Variants in ALK observed in about 807,000 individuals in gnomAD.
ALK encodes the protein ALK receptor tyrosine kinase, also known as ALK tyrosine kinase receptor.
Under a neutral mutation model 163.1 loss-of-function variants are expected in ALK, and 74 were observed. The ratio of observed to expected loss-of-function variants is 0.45; its 90% CI spans 0.38 to 0.55. The LOEUF is 0.55. Ranked by LOEUF, ALK falls within the 20% of genes least tolerant of loss-of-function variation. The pLI, the probability that ALK is intolerant of heterozygous loss-of-function variation, is 0.00. For missense variants in ALK, 2,063 were observed against 2,105.3 expected (o/e 0.98, Z 0.39); for synonymous variants, 960 against 843.2 (o/e 1.14, Z -2.40).
At position 29,313,338 on chromosome 2, in the gene ALK, G is replaced by A. The variant is rs552448153; in HGVS notation, c.1647+4966C>T. ...TGGATCACATGGGGCCGAGAATGAG[G>A]CCCACCCAATGAACAAACTCCATTT... On this transcript the variant is annotated intron_variant, in intron 8 of 28. Coordinates refer to ENST00000389048, the MANE Select transcript of ALK (RefSeq NM_004304.5). 2.6e-5 allele frequency among the ~76,000 whole-genome samples: 4 copies of A among 152,270 alleles called. No homozygotes were observed. The South Asian group carries it at 6.2e-4, about 24-fold the overall frequency.
At chr2:29,644,348 T>C (rs1390535655) in intron 3 of ALK, among the ~76,000 whole-genome samples, 3 of 151,820 alleles carry the variant, frequency 2.0e-5, no homozygotes, top group Non-Finnish European at 4.4e-5. Context: ...TGTTTACATA[T>C]GTAACAAACC....
chr2:29,722,413 G>C (rs935297074), intron 1 of ALK, among the ~76,000 whole-genome samples: 1 of 152,114 alleles, frequency 6.6e-6, no homozygotes, highest in South Asian at 2.1e-4. Flanking sequence ...TCAAAGAACC[G>C]ATTTTCAACT....
At chr2:29,207,801 G>T (rs1669351955) in intron 25 of ALK, among the ~76,000 whole-genome samples, 1 of 152,166 alleles carries the variant, frequency 6.6e-6, no homozygotes, top group African/African-American at 2.4e-5. Context: ...AAGAACACAG[G>T]GCTAGGTGTG....
intron 3 of ALK, among the ~76,000 whole-genome samples, chr2:29,629,501 G>A (rs1346564037): frequency 6.6e-6 from 1 of 152,072 alleles, no homozygotes; most frequent in Non-Finnish European, 1.5e-5. Flanking sequence ...TTTTCCTCTA[G>A]GATTTTTGAA....
At chr2:29,520,110 C>A (rs543888240) in intron 4 of ALK, among the ~76,000 whole-genome samples, 1 of 152,156 alleles carries the variant, frequency 6.6e-6, no homozygotes, top group Admixed American at 6.5e-5. Flanking sequence ...AAAAGGCACA[C>A]ACGGACAGGG....
chr2:29,577,271 C>G (rs929053317), intron 3 of ALK, among the ~76,000 whole-genome samples: 3 of 152,126 alleles, frequency 2.0e-5, no homozygotes, highest in Non-Finnish European at 4.4e-5. Context: ...AGTCATTTTA[C>G]CCTTCTGAGC....
intron 15 of ALK, among the ~76,000 whole-genome samples, chr2:29,231,989 C>T (rs1664222048): frequency 6.6e-6 from 1 of 152,120 alleles, no homozygotes; most frequent in Non-Finnish European, 1.5e-5. Flanking sequence ...GGGGGCCCAT[C>T]TGCCCCTGGA....
intron 1 of ALK, among the ~76,000 whole-genome samples, chr2:29,829,305 AG>A (rs1665296225): frequency 1.7e-5 from 2 of 116,146 alleles, no homozygotes; most frequent in African/African-American, 6.1e-5. Context: ...TAAAACTTAA[AG>A]TATAATAAAA....
intron 3 of ALK, among the ~76,000 whole-genome samples, chr2:29,659,136 C>T (rs1677275635): frequency 6.6e-6 from 1 of 152,076 alleles, no homozygotes; most frequent in Non-Finnish European, 1.5e-5. Flanking sequence ...CCTGCCTCTC[C>T]CAGAACTAAT....
rs201700728 is a variant in ALK, at chr2:29,232,431, C to A, written c.2505G>T (p.Pro835=). 1.2e-6 allele frequency: 2 copies of A among 1,614,218 alleles called. No individual in the cohort carries two copies. Among genetic ancestry groups the A allele is most frequent in the Admixed American group, 3.3e-5 (2 of 60,026 alleles). The part of the protein sequence containing the change: ...TYVFKMKDGV[P]VPLIIAAGGG... ...CTCCGGCTGCAATGATCAGGGGCACCGGCACTCCATCCTTCATCTGACCAG... is the reference window on the plus strand; with the variant it reads ...CTCCGGCTGCAATGATCAGGGGCACAGGCACTCCATCCTTCATCTGACCAG... The change falls in exon 15 of 29, where the codon CCG becomes CCT. Residue 835 remains proline, a synonymous_variant. Transcript: ENST00000389048.
At chr2:29,552,044 C>A (rs970279726) in intron 3 of ALK, among the ~76,000 whole-genome samples, 5 of 152,162 alleles carry the variant, frequency 3.3e-5, no homozygotes, top group African/African-American at 7.2e-5. Flanking sequence ...CACCTGGTAA[C>A]CTCTATTCTA....
At chr2:29,435,071 A>T (rs1234192380) in intron 4 of ALK, among the ~76,000 whole-genome samples, 1 of 152,150 alleles carries the variant, frequency 6.6e-6, no homozygotes, top group Non-Finnish European at 1.5e-5. Flanking sequence ...ATATCAAGCA[A>T]AGCCCTTGGG....
In ALK at chr2:29,227,174, G is replaced by C. The variant is rs1297050548; in HGVS notation, c.2915-100C>G. The stretch of plus-strand genomic sequence containing the variant: ...GGTGGTCACTGTGGGTGCTCTGGTG[G>C]TCCCTGTTCCTAGGTCCCATAGCCA... On this transcript the variant is annotated intron_variant, in intron 17 of 28. Coordinates refer to ENST00000389048, the MANE Select transcript of ALK (RefSeq NM_004304.5). This position sits in a 1 kb window ranked among gnomAD's most constrained non-coding sequence, Gnocchi z 4.4. 6.6e-7 allele frequency: 1 copy of C among 1,505,668 alleles called. No individual in the cohort carries two copies. Among genetic ancestry groups the C allele is most frequent in the African/African-American group, 1.4e-5 (1 of 72,792 alleles). 93.3% of individuals were successfully genotyped at this position (1,505,668 alleles called of 1,614,324 possible).
chr2:29,777,024 TGGAGTC>T (rs1681195880), intron 1 of ALK, among the ~76,000 whole-genome samples: 1 of 152,092 alleles, frequency 6.6e-6, no homozygotes, highest in Non-Finnish European at 1.5e-5. Context: ...TAGGGGGCCA[TGGAGTC>T]GGGATTTTCC....
intron 3 of ALK, among the ~76,000 whole-genome samples, chr2:29,649,470 T>A (rs567346710): frequency 6.6e-6 from 1 of 152,298 alleles, no homozygotes; most frequent in African/African-American, 2.4e-5. Context: ...TCTATGCACA[T>A]GAATGAGGGC....
intron 2 of ALK, among the ~76,000 whole-genome samples, 183 bp from the exon 3 acceptor site, chr2:29,695,197 G>A (rs1364079864): frequency 6.6e-6 from 1 of 152,200 alleles, no homozygotes; most frequent in Non-Finnish European, 1.5e-5. Context: ...AGAATAAAAT[G>A]TGCTCTTTCT....
chr2:29,793,815 T>C (rs1212955460), intron 1 of ALK, among the ~76,000 whole-genome samples: 2 of 152,168 alleles, frequency 1.3e-5, no homozygotes, highest in African/African-American at 4.8e-5. Flanking sequence ...TGTAAACACT[T>C]GTGTTGTCAT....
intron 11 of ALK, among the ~76,000 whole-genome samples, chr2:29,268,898 C>T (rs951303040): frequency 1.3e-5 from 2 of 152,120 alleles, no homozygotes; most frequent in Admixed American, 1.3e-4. Context: ...CAGGTAGCTC[C>T]GTATGTGTCA....
intron 3 of ALK, among the ~76,000 whole-genome samples, chr2:29,686,390 C>A (rs1460180505): frequency 1.3e-5 from 2 of 152,158 alleles, no homozygotes; most frequent in Admixed American, 1.3e-4. Context: ...ATGGCCAAAC[C>A]TTAGGAGGTG....
Sources: gnomAD v4.1 joint callset for allele counts (sites outside exome capture counted in the v4.1 genomes callset) on GRCh38, gnomAD v4.1.1 for gene constraint, Gnocchi (gnomAD v3.1) non-coding constraint, MANE v1.5 for transcripts, NCBI Gene and HGNC (gene_info 2026-07-23, HGNC 2026-07-21) for gene names.